Variants in NTM observed in about 807,000 individuals in gnomAD.
NTM encodes IgLON family member 2.
NTM carries 13 observed loss-of-function variants against 42.1 expected under a neutral mutation model. That is an observed-to-expected ratio of 0.31 (90% confidence interval 0.20 to 0.49). The LOEUF is 0.49. Among genes scored for constraint, NTM ranks in the 20% least tolerant of loss-of-function variants. The pLI is 0.99. For synonymous variants in NTM, 187 were observed against 179.2 expected (o/e 1.04, Z -0.35); for missense variants, 373 against 452.8 (o/e 0.82, Z 1.60).
chr11:131,507,642 T>G (rs1268674248), intron 1 of NTM, among the ~76,000 whole-genome samples: 20 of 149,106 alleles, frequency 1.3e-4, no homozygotes, highest in Admixed American at 1.1e-3. Flanking sequence ...GTAAATTACC[T>G]TGGGCAGTAT....
At chr11:131,969,086 T>G (rs2134649982) in intron 2 of NTM, among the ~76,000 whole-genome samples, 1 of 152,364 alleles carries the variant, frequency 6.6e-6, no homozygotes, top group South Asian at 2.1e-4. Flanking sequence ...GGGCTAATTC[T>G]ATTTTTCATT....
Position 131,963,331 on chromosome 11 carries a change from G to T in NTM, c.167+51683G>T, listed in dbSNP as rs191936395. Among the ~76,000 whole-genome samples the T allele has an allele frequency of 1.9e-3, 291 of 152,262 alleles. 1 individual carries two copies. The highest frequency in any genetic ancestry group is 3.4e-3 in the Non-Finnish European group (231 of 68,022). ...GATAACTCTGAGTTTGGGGAACCTGGATCTTTTATAATGGACTGCAAGTAA... is the reference window on the plus strand; with the variant it reads ...GATAACTCTGAGTTTGGGGAACCTGTATCTTTTATAATGGACTGCAAGTAA... On this transcript the variant is annotated intron_variant, in intron 2 of 8. Coordinates refer to ENST00000683400, the MANE Select transcript of NTM (RefSeq NM_001352005.2).
intron 1 of NTM, among the ~76,000 whole-genome samples, chr11:131,692,006 C>G (rs2074830605): frequency 6.6e-6 from 1 of 152,222 alleles, no homozygotes; most frequent in African/African-American, 2.4e-5. Context: ...GAACTGTCAT[C>G]AAGGCATCCC....
intron 1 of NTM, chr11:131,663,721 G>A (rs953516053): frequency 6.6e-6 from 1 of 152,170 alleles, no homozygotes; most frequent in Non-Finnish European, 1.5e-5. Flanking sequence ...CTTTGGACAA[G>A]GATGTTTTTG....
Position 131,574,198 on chromosome 11 carries a change from C to T in NTM, c.82+203310C>T, listed in dbSNP as rs193089484. On this transcript the variant is annotated intron_variant, in intron 1 of 8. Transcript: ENST00000683400. The stretch of plus-strand genomic sequence containing the variant: ...AATCCAAATAATCTTTAAATGCCAA[C>T]TTTATGCTTCATAGTTATAGTGAAC... 2.4e-4 allele frequency among the ~76,000 whole-genome samples: 36 copies of T among 152,190 alleles called. 1 individual carries two copies. Among genetic ancestry groups the T allele is most frequent in the African/African-American group, 8.2e-4 (34 of 41,498 alleles).
intron 1 of NTM, among the ~76,000 whole-genome samples, chr11:131,516,983 T>A (rs555164915): frequency 6.6e-6 from 1 of 152,154 alleles, no homozygotes; most frequent in Non-Finnish European, 1.5e-5. Context: ...TCTCTACTGA[T>A]AAAATAAGAT....
chr11:132,244,961 G>A (rs566524322), intron 4 of NTM, among the ~76,000 whole-genome samples: 2 of 152,308 alleles, frequency 1.3e-5, no homozygotes, highest in South Asian at 2.1e-4. Context: ...GTACGTTTGC[G>A]CCCGTGTTTT....
At chr11:132,184,435 C>T (rs1159640485) in intron 3 of NTM, among the ~76,000 whole-genome samples, 15 of 152,160 alleles carry the variant, frequency 9.9e-5, no homozygotes, top group Admixed American at 9.8e-4. Context: ...GCTGCTGTTT[C>T]TTTTAAGACT....
intron 4 of NTM, among the ~76,000 whole-genome samples, chr11:132,301,985 T>TAAAG (rs2094881018): frequency 6.6e-6 from 1 of 152,220 alleles, no homozygotes; most frequent in South Asian, 2.1e-4. Context: ...TTTTCAGTTA[T>TAAAG]AAAGATTTTT....
chr11:131,407,096 C>T (rs376500158), intron 1 of NTM, among the ~76,000 whole-genome samples: 2 of 152,182 alleles, frequency 1.3e-5, no homozygotes, highest in African/African-American at 4.8e-5. Flanking sequence ...CACTGGCTTA[C>T]TATTTTCTTG....
At chr11:131,524,855 C>T (rs1020901501) in intron 1 of NTM, among the ~76,000 whole-genome samples, 2 of 152,302 alleles carry the variant, frequency 1.3e-5, no homozygotes, top group East Asian at 3.9e-4. Flanking sequence ...GATGACCTAA[C>T]TCTTTGGGCC....
At chr11:131,417,851 T>C (rs746290459) in intron 1 of NTM, among the ~76,000 whole-genome samples, 2 of 152,262 alleles carry the variant, frequency 1.3e-5, no homozygotes, top group Non-Finnish European at 2.9e-5. Flanking sequence ...TAGAAAGTTG[T>C]ATTTTATGTC....
chr11:131,878,042 T>C (rs1317429828), intron 1 of NTM: 2 of 152,254 alleles, frequency 1.3e-5, no homozygotes, highest in African/African-American at 2.4e-5. Flanking sequence ...TCTTTTCATG[T>C]GTTCTTTGTT....
rs1399440812 is a variant in NTM, at chr11:132,325,920, A to G, written c.935-4233A>G. ...TTCTCAGCAAACTATCGCAAGGACA[A>G]AAAACCAAACACCGCGTGTTCTCAC... On this transcript the variant is annotated intron_variant, in intron 7 of 8. Transcript: ENST00000683400. Among the ~76,000 whole-genome samples the G allele has an allele frequency of 6.6e-4, 100 of 152,124 alleles. 2 individuals carry two copies. Among genetic ancestry groups the G allele is most frequent in the Non-Finnish European group, 2.1e-4 (14 of 68,032 alleles).
At position 131,489,062 on chromosome 11, in the gene NTM, T is replaced by C. The variant is rs188931578; in HGVS notation, c.82+118174T>C. ...CAAGCTCTGCCTCTGTGAGGGTTCT[T>C]GATTCAAGCCAGAGATCCAGCAGGT... On this transcript the variant is annotated intron_variant, in intron 1 of 8. Coordinates refer to ENST00000683400, the MANE Select transcript of NTM (RefSeq NM_001352005.2). Among the ~76,000 whole-genome samples, 31 of 152,340 alleles carry C rather than the reference T, an allele frequency of 2.0e-4. No homozygotes were observed. The East Asian group carries it at 4.6e-3, about 23-fold the overall frequency.
chr11:132,120,823 G>A (rs1216777203), intron 2 of NTM, among the ~76,000 whole-genome samples: 1 of 152,124 alleles, frequency 6.6e-6, no homozygotes, highest in East Asian at 1.9e-4. Context: ...TTTGTCGTCT[G>A]AACCCCAAGG....
intron 2 of NTM, among the ~76,000 whole-genome samples, chr11:132,049,579 G>A (rs1221944569): frequency 6.6e-6 from 1 of 152,214 alleles, no homozygotes; most frequent in Admixed American, 6.5e-5. Flanking sequence ...GCCCTTGGCT[G>A]TGAGCTGGGA....
At chr11:132,118,290 C>T (rs1376257236) in intron 2 of NTM, among the ~76,000 whole-genome samples, 5 of 151,936 alleles carry the variant, frequency 3.3e-5, no homozygotes, top group African/African-American at 1.2e-4. Context: ...AATCAATGCA[C>T]AAGGCTTGTC....
chr11:131,585,567 C>T (rs892651953), intron 1 of NTM, among the ~76,000 whole-genome samples: 2 of 152,196 alleles, frequency 1.3e-5, no homozygotes, highest in Non-Finnish European at 2.9e-5. Context: ...TGAGTGCAGA[C>T]GGTGGCTACT....
Sources: allele counts gnomAD v4.1 joint callset (sites outside exome capture counted in the v4.1 genomes callset), GRCh38; gene constraint gnomAD v4.1.1; transcripts MANE v1.5; gene names NCBI Gene and HGNC (gene_info 2026-07-23, HGNC 2026-07-21).